SLC25A21: variants seen among roughly 807,000 people sequenced by gnomAD.
SLC25A21 encodes the protein solute carrier family 25 member 21.
SLC25A21 carries 47 observed loss-of-function variants against 43.8 expected under a neutral mutation model. The ratio of observed to expected loss-of-function variants is 1.07; its 90% CI spans 0.85 to 1.37. The LOEUF is 1.37. SLC25A21 is among the 40% of genes most tolerant of loss of function. The pLI is 0.00. For missense variants in SLC25A21, 352 were observed against 350.2 expected, an observed-to-expected ratio of 1.00 and a Z score of -0.04; for synonymous variants, 131 against 121.3, an observed-to-expected ratio of 1.08 and a Z score of -0.52.
intron 7 of SLC25A21, among the ~76,000 whole-genome samples, chr14:36,694,473 T>C (rs1296206617): frequency 1.3e-5 from 2 of 152,220 alleles, no homozygotes; most frequent in Non-Finnish European, 2.9e-5. Flanking sequence ...TTCTAGATCC[T>C]TGAGGAATCG....
At chr14:36,709,563 T>C (rs1343646295) in intron 7 of SLC25A21, among the ~76,000 whole-genome samples, 1 of 152,104 alleles carries the variant, frequency 6.6e-6, no homozygotes, top group African/African-American at 2.4e-5. Flanking sequence ...AATCAAGGAT[T>C]TCAGACCAAA....
intron 7 of SLC25A21, among the ~76,000 whole-genome samples, chr14:36,702,643 A>C (rs1029673223): frequency 6.6e-6 from 1 of 152,150 alleles, no homozygotes; most frequent in South Asian, 2.1e-4. Flanking sequence ...GGAATGATTC[A>C]GTTCCTTGTG....
intron 3 of SLC25A21, among the ~76,000 whole-genome samples, chr14:36,799,753 C>A (rs1887803108): frequency 6.6e-6 from 1 of 152,084 alleles, no homozygotes; most frequent in South Asian, 2.1e-4. Context: ...TCTGACTCAT[C>A]AATAAAATAG....
At chr14:36,816,662 G>A (rs1161652253) in intron 2 of SLC25A21, among the ~76,000 whole-genome samples, 1 of 151,868 alleles carries the variant, frequency 6.6e-6, no homozygotes, top group Non-Finnish European at 1.5e-5. Context: ...ATCATGCCTA[G>A]CTAATTTTTA....
At chr14:36,865,389 G>T (rs1890186739) in intron 2 of SLC25A21, among the ~76,000 whole-genome samples, 1 of 152,054 alleles carries the variant, frequency 6.6e-6, no homozygotes, top group South Asian at 2.1e-4. Flanking sequence ...CTCTGGTGCT[G>T]ATTTCTGCCC....
In SLC25A21 at chr14:37,038,032, C is replaced by G. The variant is rs17106054; in HGVS notation, c.70+134249G>C. On this transcript the variant is annotated intron_variant, in intron 1 of 9. Coordinates refer to ENST00000331299, the MANE Select transcript of SLC25A21 (RefSeq NM_030631.4). ...AAAGCTCCCTGTGGGTATGGAATAA[C>G]TTTATACCCACATACTTTTTGTGTG... Among the ~76,000 whole-genome samples the G allele has an allele frequency of 5.3e-3, 812 of 152,284 alleles. 29 individuals carry two copies. In the East Asian group the frequency reaches 0.088, roughly 17 times the overall value.
intron 3 of SLC25A21, among the ~76,000 whole-genome samples, chr14:36,783,602 A>G (rs1332205289): frequency 6.6e-6 from 1 of 152,174 alleles, no homozygotes; most frequent in Non-Finnish European, 1.5e-5. Flanking sequence ...GGGAGGATTC[A>G]TAGACCAACA....
In SLC25A21 at chr14:36,719,275, G is replaced by T. The variant is rs556930091; in HGVS notation, c.438+6295C>A. Among the ~76,000 whole-genome samples, 69 of 152,280 alleles carry T rather than the reference G, an allele frequency of 4.5e-4. 1 individual carries two copies. Among genetic ancestry groups the T allele is most frequent in the African/African-American group, 1.5e-3 (64 of 41,564 alleles). On this transcript the variant is annotated intron_variant, in intron 6 of 9. Coordinates refer to ENST00000331299, the MANE Select transcript of SLC25A21 (RefSeq NM_030631.4). Reference sequence around the variant, plus strand: ...AGATAAAAACCAATGCACCCAGTTTGGGGAGGTCCTGTAAGGACAGCAAGC... The same window carrying T: ...AGATAAAAACCAATGCACCCAGTTTTGGGAGGTCCTGTAAGGACAGCAAGC...
intron 1 of SLC25A21, among the ~76,000 whole-genome samples, chr14:36,924,434 C>T (rs949134104): frequency 7.9e-5 from 12 of 152,030 alleles, no homozygotes; most frequent in African/African-American, 2.9e-4. Flanking sequence ...GGACAAAAAA[C>T]CAAACACTGC....
At chr14:37,130,098 A>AAAC (rs900812346) in intron 1 of SLC25A21, among the ~76,000 whole-genome samples, 5 of 151,048 alleles carry the variant, frequency 3.3e-5, no homozygotes, top group African/African-American at 1.2e-4. Flanking sequence ...AAAAAAAAAA[A>AAAC]AAAAACAACT....
At chr14:36,868,313 A>C (rs1436804212) in intron 2 of SLC25A21, among the ~76,000 whole-genome samples, 2 of 152,152 alleles carry the variant, frequency 1.3e-5, no homozygotes, top group African/African-American at 4.8e-5. Context: ...AAACAGAACT[A>C]TAAAACAATA....
At chr14:37,004,649 G>C (rs1204928870) in intron 1 of SLC25A21, among the ~76,000 whole-genome samples, 1 of 152,194 alleles carries the variant, frequency 6.6e-6, no homozygotes, top group African/African-American at 2.4e-5. Context: ...CCTGCATCAG[G>C]TGTGAGCAGA....
intron 1 of SLC25A21, among the ~76,000 whole-genome samples, chr14:36,896,395 A>G (rs949379011): frequency 3.3e-5 from 5 of 152,112 alleles, no homozygotes; most frequent in African/African-American, 1.2e-4. Context: ...TTTGCTTGGT[A>G]GATCTTCCTC....
intron 1 of SLC25A21, among the ~76,000 whole-genome samples, chr14:37,066,270 G>T (rs534411544): frequency 8.5e-5 from 13 of 152,080 alleles, no homozygotes; most frequent in Non-Finnish European, 1.0e-4. Flanking sequence ...TTTCTAAAAG[G>T]TAAGAGTGGG....
chr14:36,993,758 G>T (rs1241375244), intron 1 of SLC25A21, among the ~76,000 whole-genome samples: 1 of 152,094 alleles, frequency 6.6e-6, no homozygotes, highest in Non-Finnish European at 1.5e-5. Flanking sequence ...AAGAACCCCA[G>T]AAAACTTGTA....
chr14:37,081,600 T>C (rs1007522098), intron 1 of SLC25A21, among the ~76,000 whole-genome samples: 2 of 152,240 alleles, frequency 1.3e-5, no homozygotes, highest in Admixed American at 6.5e-5. Context: ...AAATACTACA[T>C]TATTAAGCCC....
intron 4 of SLC25A21, among the ~76,000 whole-genome samples, chr14:36,730,524 G>A (rs1231314181): frequency 6.6e-6 from 1 of 152,156 alleles, no homozygotes; most frequent in African/African-American, 2.4e-5. Flanking sequence ...AATGGGGCAA[G>A]AAAGCAAAAC....
At chr14:37,025,978 C>T (rs1024733822) in intron 1 of SLC25A21, among the ~76,000 whole-genome samples, 1 of 152,108 alleles carries the variant, frequency 6.6e-6, no homozygotes, top group African/African-American at 2.4e-5. Context: ...CACTTATTTA[C>T]ACTTTACGAT....
At chr14:36,927,105 G>A (rs943499364) in intron 1 of SLC25A21, among the ~76,000 whole-genome samples, 4 of 152,164 alleles carry the variant, frequency 2.6e-5, no homozygotes, top group African/African-American at 4.8e-5. Context: ...GGGAGGCAGA[G>A]GTTGCAGTGA....
Sources: allele counts gnomAD v4.1 joint callset (sites outside exome capture counted in the v4.1 genomes callset), GRCh38; gene constraint gnomAD v4.1.1; transcripts MANE v1.5; gene names NCBI Gene and HGNC (gene_info 2026-07-23, HGNC 2026-07-21).